The following STK3 variants were observed in gnomAD, a reference collection of about 807,000 sequenced individuals.
STK3 encodes serine/threonine kinase 3, also known as serine/threonine-protein kinase 3.
In STK3, 41 loss-of-function variants were observed where a neutral mutation model predicts 58.0. That is an observed-to-expected ratio of 0.71 (90% CI 0.55 to 0.92). The LOEUF (loss-of-function observed/expected upper bound fraction) is 0.92, where lower values mean the gene tolerates loss of function less well. Among genes scored for constraint, STK3 ranks in the 40% least tolerant of loss-of-function variants. The pLI is 0.00. For synonymous variants in STK3, 170 were observed against 191.0 expected (o/e 0.89, Z 0.91); for missense variants, 479 against 602.7 (o/e 0.79, Z 2.15).
At chr8:98,765,760 T>G (rs1397862562) in intron 3 of STK3, among the ~76,000 whole-genome samples, 3 of 152,230 alleles carry the variant, frequency 2.0e-5, no homozygotes, top group Non-Finnish European at 2.9e-5. Flanking sequence ...GGCTGTTCCT[T>G]TGTTGCTGCT....
chr8:98,797,205 A>G (rs1191365238), intron 1 of STK3, among the ~76,000 whole-genome samples: 6 of 152,224 alleles, frequency 3.9e-5, no homozygotes, highest in Admixed American at 3.3e-4. Context: ...TGCAGCTTCT[A>G]TATCAGCATT....
In STK3 at chr8:98,548,031, G is replaced by C; in HGVS notation, c.1079C>G (p.Ser360Cys). 6.2e-7 allele frequency: 1 copy of C among 1,610,032 alleles called. No homozygotes were observed. The highest frequency in any genetic ancestry group is 8.5e-7 in the Non-Finnish European group (1 of 1,178,168). Reference sequence around the variant, plus strand: ...GTTTATCACCATGGTCCCCAAGTCGGATTCCAACATCGTGCTATTATGTTC... The same window carrying C: ...GTTTATCACCATGGTCCCCAAGTCGCATTCCAACATCGTGCTATTATGTTC... ...MIEHNSTMLE[S>C]DLGTMVINSE... The change falls in exon 9 of 11, where the codon TCC (serine) becomes TGC (cysteine). Residue 360 changes from serine to cysteine, a missense_variant. This residue lies in a region of STK3 where 309 missense variants were observed against 355.7 expected (regional missense o/e 0.87). Coordinates refer to ENST00000419617, the MANE Select transcript of STK3 (RefSeq NM_006281.4).
chr8:98,909,125 C>CA (rs1564097640), intron 1 of STK3, among the ~76,000 whole-genome samples: 1 of 152,184 alleles, frequency 6.6e-6, no homozygotes, highest in African/African-American at 2.4e-5. Flanking sequence ...CACGCCACTG[C>CA]ACTCTAGCCT....
chr8:98,607,103 T>C (rs1337441743), intron 6 of STK3, among the ~76,000 whole-genome samples: 1 of 152,164 alleles, frequency 6.6e-6, no homozygotes, highest in African/African-American at 2.4e-5. Flanking sequence ...GTAATTCAGG[T>C]GGTATTCAAA....
At chr8:98,860,587 T>A (rs1042210845) in intron 3 of STK3, among the ~76,000 whole-genome samples, 2 of 152,208 alleles carry the variant, frequency 1.3e-5, no homozygotes, top group African/African-American at 4.8e-5. Context: ...TGTCAGTAAG[T>A]ACATGATAAC....
intron 1 of STK3, among the ~76,000 whole-genome samples, chr8:98,809,038 T>C (rs1410179939): frequency 6.6e-6 from 1 of 152,210 alleles, no homozygotes; most frequent in African/African-American, 2.4e-5. Context: ...GAGAATTTCT[T>C]CTGGATCGAT....
At chr8:98,921,618 A>C (rs1023574024) in intron 1 of STK3, 2 of 152,186 alleles carry the variant, frequency 1.3e-5, no homozygotes, top group African/African-American at 4.8e-5. Context: ...TTCATACTAC[A>C]CTGGGTCCCT....
chr8:98,877,740 C>A (rs1564078086), intron 3 of STK3, among the ~76,000 whole-genome samples: 1 of 152,126 alleles, frequency 6.6e-6, no homozygotes, highest in Non-Finnish European at 1.5e-5. Context: ...ACCTCGGCCT[C>A]CCAAAGTGTT....
chr8:98,740,190 A>G (rs1829066434), intron 4 of STK3, among the ~76,000 whole-genome samples: 2 of 152,338 alleles, frequency 1.3e-5, no homozygotes, highest in South Asian at 4.2e-4. Context: ...ATCCAGGAGA[A>G]CTTCCCCAAT....
intron 3 of STK3, among the ~76,000 whole-genome samples, chr8:98,756,342 A>G (rs969696522): frequency 2.6e-5 from 4 of 152,212 alleles, no homozygotes; most frequent in African/African-American, 9.6e-5. Flanking sequence ...GCCCTGAAAG[A>G]CAGAACAAAT....
intron 3 of STK3, among the ~76,000 whole-genome samples, chr8:98,760,699 T>G (rs1830563602): frequency 6.7e-6 from 1 of 148,912 alleles, no homozygotes; most frequent in African/African-American, 2.5e-5. Flanking sequence ...ATGACGTATC[T>G]TGTTCTCGTT....
chr8:98,487,276 A>G (rs991914933), intron 10 of STK3, among the ~76,000 whole-genome samples: 1 of 152,190 alleles, frequency 6.6e-6, no homozygotes, highest in African/African-American at 2.4e-5. Context: ...CTGGGAGGAT[A>G]AGGATTTGGC....
the STK3 span, among the ~76,000 whole-genome samples, chr8:98,359,925 T>C: frequency 6.6e-6 from 1 of 152,120 alleles, no homozygotes; most frequent in African/African-American, 2.4e-5. Flanking sequence ...CTGGGGACCT[T>C]GTAGCTCCCT....
chr8:98,758,737 T>C (rs1750296632), intron 3 of STK3, among the ~76,000 whole-genome samples: 1 of 152,218 alleles, frequency 6.6e-6, no homozygotes, highest in Non-Finnish European at 1.5e-5. Context: ...ACATTGAAAA[T>C]CTGTTGCTTA....
At chr8:98,756,704 G>A (rs1267116017) in intron 3 of STK3, among the ~76,000 whole-genome samples, 1 of 152,174 alleles carries the variant, frequency 6.6e-6, no homozygotes, top group South Asian at 2.1e-4. Context: ...CTGGGACCTT[G>A]CTAAAACTGA....
intron 3 of STK3, among the ~76,000 whole-genome samples, chr8:98,838,820 AAGGTT>A (rs1835846868): frequency 6.6e-6 from 1 of 151,940 alleles, no homozygotes; most frequent in Non-Finnish European, 1.5e-5. Flanking sequence ...CCAAACTCTC[AAGGTT>A]ATTCCATTTT....
intron 3 of STK3, among the ~76,000 whole-genome samples, chr8:98,874,480 G>A (rs1446230632): frequency 3.9e-5 from 6 of 151,994 alleles, no homozygotes; most frequent in Non-Finnish European, 5.9e-5. Flanking sequence ...AATTTGTTAC[G>A]GCAGCCACAG....
intron 6 of STK3, among the ~76,000 whole-genome samples, chr8:98,672,071 T>C (rs1035870552): frequency 6.6e-6 from 1 of 152,188 alleles, no homozygotes; most frequent in Non-Finnish European, 1.5e-5. Flanking sequence ...TAAACCTCTT[T>C]TCTTTACAAA....
chr8:98,442,658 C>A (rs1818740638), intron 1 of STK3, among the ~76,000 whole-genome samples: 1 of 152,240 alleles, frequency 6.6e-6, no homozygotes, highest in Non-Finnish European at 1.5e-5. Flanking sequence ...ATCATTTCCA[C>A]TATCTCTGTG....
Sources: gnomAD v4.1 joint callset for allele counts (sites outside exome capture counted in the v4.1 genomes callset) on GRCh38, gnomAD v4.1.1 for gene constraint, gnomAD v4.1.1 regional missense constraint, MANE v1.5 for transcripts, NCBI Gene and HGNC (gene_info 2026-07-23, HGNC 2026-07-21) for gene names.